The following STIM2 variants were observed in gnomAD, a reference collection of about 807,000 sequenced individuals.
The protein encoded by STIM2 is stromal interaction molecule 2.
STIM2 carries 31 observed loss-of-function variants against 85.8 expected under a neutral mutation model. The observed-to-expected ratio is 0.36, with a 90% CI of 0.27 to 0.49. STIM2 has a LOEUF of 0.49. Ranked by LOEUF, STIM2 falls within the 20% of genes least tolerant of loss-of-function variation. The pLI is 0.98. For synonymous variants in STIM2, 356 were observed against 331.1 expected, an observed-to-expected ratio of 1.08 and a Z score of -0.82; for missense variants, 841 against 927.6, an observed-to-expected ratio of 0.91 and a Z score of 1.21.
intron 1 of STIM2, among the ~76,000 whole-genome samples, chr4:26,901,917 T>G (rs1435561882): frequency 2.0e-5 from 3 of 152,126 alleles, no homozygotes; most frequent in Non-Finnish European, 2.9e-5. Flanking sequence ...GCATAAAATG[T>G]TATTAAGAGT....
At position 27,025,099 on chromosome 4, in the gene STIM2, T is replaced by C. The variant is rs1189668468; in HGVS notation, c.*2103T>C. The C allele has an allele frequency of 6.6e-6, 1 of 152,184 alleles. No homozygotes were observed. The highest frequency in any genetic ancestry group is 2.4e-5 in the African/African-American group (1 of 41,440). 9.4% of individuals were successfully genotyped at this position (152,184 alleles called of 1,614,324 possible). On this transcript the variant is annotated 3_prime_UTR_variant, in exon 12 of 12. Transcript: ENST00000467087. ...TTTCAGTCAGGGAGCATGTGCATTG[T>C]TTGTGCTCAATTTCAGACACTCATT...
chr4:26,996,768 T>C (rs1234723065), intron 4 of STIM2, among the ~76,000 whole-genome samples: 1 of 152,142 alleles, frequency 6.6e-6, no homozygotes, highest in Non-Finnish European at 1.5e-5. Context: ...AAAATGAGAT[T>C]AGAATTTATT....
At chr4:27,008,091 T>C (rs921866799) in intron 8 of STIM2, 4 of 689,210 alleles carry the variant, frequency 5.8e-6, no homozygotes, top group Admixed American at 2.4e-5. Flanking sequence ...CCAAAAAATT[T>C]AAAAGCTTAG....
In STIM2 at chr4:26,990,301, A is replaced by G. The variant is rs556526812; in HGVS notation, c.398-5078A>G. On this transcript the variant is annotated intron_variant, in intron 3 of 11. Coordinates refer to ENST00000467087, the MANE Select transcript of STIM2 (RefSeq NM_020860.4). Reference sequence around the variant, plus strand: ...GAATAGAGAACCCAGAAATAAATCCATACACTTTTAGCCAACTCATTTTCA... The same window carrying G: ...GAATAGAGAACCCAGAAATAAATCCGTACACTTTTAGCCAACTCATTTTCA... Among the ~76,000 whole-genome samples, 4 of 152,286 alleles carry G rather than the reference A, an allele frequency of 2.6e-5. No homozygotes were observed. In the East Asian group the frequency reaches 7.7e-4, roughly 29 times the overall value.
At chr4:26,954,294 G>A (rs944926738) in intron 2 of STIM2, among the ~76,000 whole-genome samples, 3 of 152,104 alleles carry the variant, frequency 2.0e-5, no homozygotes, top group Admixed American at 1.3e-4. Flanking sequence ...TCGTCTGAGC[G>A]AATCTTTTAA....
At chr4:26,879,874 G>A (rs569399384) in intron 1 of STIM2, among the ~76,000 whole-genome samples, 27 of 152,228 alleles carry the variant, frequency 1.8e-4, no homozygotes, top group Non-Finnish European at 1.0e-4. Flanking sequence ...ATGGGTTCTA[G>A]CCACCACATT....
At chr4:26,914,524 CTTTA>C (rs1353609411) in intron 1 of STIM2, among the ~76,000 whole-genome samples, 3 of 152,140 alleles carry the variant, frequency 2.0e-5, no homozygotes, top group Non-Finnish European at 2.9e-5. Flanking sequence ...TATCTGCCAT[CTTTA>C]TTTATTTGTT....
At chr4:26,861,695 ATTTTTTT>A (rs57976994) in intron 1 of STIM2, 10 of 124,130 alleles carry the variant, frequency 8.1e-5, no homozygotes, top group African/African-American at 2.8e-4. Context: ...GACTGGGCTG[ATTTTTTT>A]TTTTTTTTTT....
chr4:26,863,247 G>A (rs1722285222), intron 1 of STIM2, among the ~76,000 whole-genome samples: 1 of 152,054 alleles, frequency 6.6e-6, no homozygotes, highest in Admixed American at 6.5e-5. Context: ...GTGCCATAGG[G>A]CTTTAAAATA....
rs569304270 is a variant in STIM2 at position 26,968,507 on chromosome 4, A to C, written c.397+10781A>C. 3.3e-5 allele frequency among the ~76,000 whole-genome samples: 5 copies of C among 152,298 alleles called. No homozygotes were observed. The South Asian group carries it at 1.0e-3, about 32-fold the overall frequency. On this transcript the variant is annotated intron_variant, in intron 3 of 11. Transcript: ENST00000467087. ...ACAGAAAGTAGAATGTTTGGTTGCCAGGGTCTGTGGGGAGGAGAGAACAGG... is the reference window on the plus strand; with the variant it reads ...ACAGAAAGTAGAATGTTTGGTTGCCCGGGTCTGTGGGGAGGAGAGAACAGG...
chr4:26,995,574 T>C (rs944514805), intron 4 of STIM2, 84 bp downstream of exon 4: 3 of 714,848 alleles, frequency 4.2e-6, no homozygotes, highest in East Asian at 3.1e-5. Flanking sequence ...ATCTACAAGT[T>C]ACTTCCGTGG....
At chr4:26,962,136 G>A (rs1350370062) in intron 3 of STIM2, among the ~76,000 whole-genome samples, 1 of 152,130 alleles carries the variant, frequency 6.6e-6, no homozygotes, top group Non-Finnish European at 1.5e-5. Flanking sequence ...AAACTATACA[G>A]CTTTAAATTC....
At chr4:27,007,258 C>G (rs1271062460) in intron 7 of STIM2, among the ~76,000 whole-genome samples, 1 of 151,796 alleles carries the variant, frequency 6.6e-6, no homozygotes, top group Non-Finnish European at 1.5e-5. Context: ...TAAGCCCTCT[C>G]TACCCTCCTT....
chr4:27,011,154 G>C (rs1476643063), intron 10 of STIM2, among the ~76,000 whole-genome samples: 1 of 152,082 alleles, frequency 6.6e-6, no homozygotes, highest in Non-Finnish European at 1.5e-5. Context: ...GCTAAAGCCT[G>C]TTGTACTTTT....
intron 3 of STIM2, among the ~76,000 whole-genome samples, chr4:26,994,282 T>C (rs1479363535): frequency 6.6e-6 from 1 of 152,078 alleles, no homozygotes; most frequent in African/African-American, 2.4e-5. Flanking sequence ...CCTGCTCGTT[T>C]CCCCAATCTT....
intron 3 of STIM2, among the ~76,000 whole-genome samples, chr4:26,963,500 C>T (rs1726563075): frequency 6.6e-6 from 1 of 152,114 alleles, no homozygotes; most frequent in Non-Finnish European, 1.5e-5. Flanking sequence ...TGGCATCCAT[C>T]AACAAAATAT....
At chr4:26,916,094 A>C (rs1215124670) in intron 1 of STIM2, among the ~76,000 whole-genome samples, 1 of 152,232 alleles carries the variant, frequency 6.6e-6, no homozygotes, top group East Asian at 1.9e-4. Flanking sequence ...TATATTTTAA[A>C]ATAAGTATAG....
At chr4:26,923,339 G>T (rs541594906) in intron 2 of STIM2, among the ~76,000 whole-genome samples, 10 of 151,942 alleles carry the variant, frequency 6.6e-5, no homozygotes. Flanking sequence ...CCAAAGGAAC[G>T]CAGTTCCTCA....
chr4:27,005,089 G>A (rs1728285918), intron 7 of STIM2, among the ~76,000 whole-genome samples: 1 of 152,192 alleles, frequency 6.6e-6, no homozygotes, highest in Non-Finnish European at 1.5e-5. Flanking sequence ...GTAGAAATAA[G>A]TTTAACTGAG....
Sources: allele counts gnomAD v4.1 joint callset (sites outside exome capture counted in the v4.1 genomes callset), GRCh38; gene constraint gnomAD v4.1.1; transcripts MANE v1.5; gene names NCBI Gene and HGNC (gene_info 2026-07-23, HGNC 2026-07-21).